MAP1S: variants seen among roughly 807,000 people sequenced by gnomAD.
The protein encoded by MAP1S is microtubule associated protein 1S, also known as microtubule-associated protein 1S.
A neutral mutation model predicts 60.9 loss-of-function variants in MAP1S; 27 were observed. The observed-to-expected ratio is 0.44, with a 90% CI of 0.33 to 0.61. The LOEUF (loss-of-function observed/expected upper bound fraction) is 0.61, where lower values mean the gene tolerates loss of function less well. Ranked by LOEUF, MAP1S falls within the 20% of genes least tolerant of loss-of-function variation. The pLI is 0.03. For missense variants in MAP1S, 1,608 were observed against 1,486.6 expected (o/e 1.08, Z -1.34); for synonymous variants, 826 against 694.2 (o/e 1.19, Z -2.98).
rs149540737 is a variant in MAP1S at position 17,731,275 on chromosome 19, G to C, written c.2789-1918G>C. On this transcript the variant is annotated intron_variant, in intron 5 of 6. Transcript: ENST00000324096. The stretch of plus-strand genomic sequence containing the variant: ...TCCATTTCACATTTAGGTCCATTTG[G>C]AGGTAATTTTTGTATGTGGTGAAAA... Among the ~76,000 whole-genome samples, 385 of 152,254 alleles carry C rather than the reference G, an allele frequency of 2.5e-3. 3 individuals carry two copies. The highest frequency in any genetic ancestry group is 9.0e-3 in the African/African-American group (374 of 41,536).
In MAP1S at chr19:17,724,204, A is replaced by T. The variant is rs1351239561; in HGVS notation, c.299A>T (p.Asp100Val). Residue 100 changes from aspartate to valine, a missense_variant, in exon 3 of 7, where the codon GAT becomes GTT. Physicochemically the swap from Asp to Val is radical, Grantham distance 152. Transcript: ENST00000324096. ...AACCCATCAGACAAGTCCCTGTATG[A>T]TGAGGTAGGGAATGGCTGACGTCCT... is the stretch of plus-strand genomic sequence containing the variant. ...LLNPSDKSLYDELRNLLLDPA... is the reference protein window; with the variant it reads ...LLNPSDKSLYVELRNLLLDPA... The T allele has an allele frequency of 6.2e-7, 1 of 1,613,530 alleles. No individual in the cohort carries two copies. The highest frequency in any genetic ancestry group is 1.3e-5 in the African/African-American group (1 of 74,898).
intron 5 of MAP1S, among the ~76,000 whole-genome samples, chr19:17,731,980 C>T (rs1249852666): frequency 6.6e-6 from 1 of 152,214 alleles, no homozygotes; most frequent in African/African-American, 2.4e-5. Context: ...TGATTTTTTA[C>T]ATTATTGTTC....
Position 17,727,165 on chromosome 19 carries a change from C to G in MAP1S, c.1781C>G (p.Pro594Arg), listed in dbSNP as rs199499048. The G allele has an allele frequency of 1.2e-4, 188 of 1,587,336 alleles. No individual in the cohort carries two copies. Among genetic ancestry groups the G allele is most frequent in the Admixed American group, 4.3e-4 (25 of 57,824 alleles). ...CTCCGATGTGGAGAAGCCAGCCCCC[C>G]CAGTGCAGCCTGCGGCTCTCCGGCC... is the stretch of plus-strand genomic sequence containing the variant. ...PSLRCGEASP[P>R]SAACGSPASQ... The change falls in exon 5 of 7, where the codon CCC becomes CGC. Residue 594 changes from proline to arginine, a missense_variant. Pro to Arg is a moderately radical substitution (Grantham distance 103). Around this residue, in one of 4 missense-constraint regions of MAP1S, gnomAD observed 1,167 missense variants for 961.4 expected, o/e 1.21. Transcript: ENST00000324096. This position sits in a 1 kb window ranked among gnomAD's most constrained non-coding sequence, Gnocchi z 4.1.
Position 17,720,934 on chromosome 19 carries a change from A to G in MAP1S, c.119-2A>G. 1 of 1,612,634 alleles carries G rather than the reference A, an allele frequency of 6.2e-7. No individual in the cohort carries two copies. The highest frequency in any genetic ancestry group is 8.5e-7 in the Non-Finnish European group (1 of 1,178,734). On this transcript the variant is annotated splice_acceptor_variant, in intron 1 of 6. Coordinates refer to ENST00000324096, the MANE Select transcript of MAP1S (RefSeq NM_018174.6). LOFTEE classifies it high-confidence loss of function. ...CCCGCCTTGATCCCTCCTTCCCACC[A>G]GGCATCCGGTCTTGGGATGTCGATC...
intron 5 of MAP1S, among the ~76,000 whole-genome samples, chr19:17,728,375 C>G (rs2080463532): frequency 6.6e-6 from 1 of 152,100 alleles, no homozygotes; most frequent in East Asian, 1.9e-4. Context: ...TCAGCCTCTC[C>G]AGTAGCTGGG....
rs1299580529 is a variant in MAP1S at position 17,727,066 on chromosome 19, A to C, written c.1682A>C (p.Lys561Thr). 6.2e-7 allele frequency: 1 copy of C among 1,606,382 alleles called. No individual in the cohort carries two copies. The highest frequency in any genetic ancestry group is 1.7e-5 in the Admixed American group (1 of 59,504). Residue 561 changes from lysine (K) to threonine (T), a missense_variant, in exon 5 of 7, where the codon AAG becomes ACG. By Grantham distance (78) the Lys-to-Thr change is moderately conservative (BLOSUM62 -1). Coordinates refer to ENST00000324096, the MANE Select transcript of MAP1S (RefSeq NM_018174.6). The surrounding 1 kb of genome is among the most constrained non-coding windows in gnomAD (Gnocchi z 4.1). ...LKKTNAQAAP[K>T]PRKAPSTSHS... ...AAGACGAATGCCCAGGCGGCACCCA[A>C]GCCCCGCAAAGCGCCCAGCACGTCC...
chr19:17,730,127 A>C (rs1028253295), intron 5 of MAP1S, among the ~76,000 whole-genome samples: 1 of 152,136 alleles, frequency 6.6e-6, no homozygotes, highest in Non-Finnish European at 1.5e-5. Context: ...ATTTTGGATG[A>C]ACCGCCAGAC....
At chr19:17,730,901 T>C (rs1424691695) in intron 5 of MAP1S, among the ~76,000 whole-genome samples, 1 of 151,048 alleles carries the variant, frequency 6.6e-6, no homozygotes, top group Admixed American at 6.6e-5. Flanking sequence ...TTTTCTTTTT[T>C]TTTTTTTTCA....
Position 17,728,542 on chromosome 19 carries a change from C to G in MAP1S, c.2788+370C>G, listed in dbSNP as rs539488227. Among the ~76,000 whole-genome samples the G allele has an allele frequency of 1.4e-3, 219 of 152,094 alleles. 4 individuals are homozygous for G. Among genetic ancestry groups the G allele is most frequent in the East Asian group, 9.3e-3 (48 of 5,168 alleles). ...GGGATGACTGGCGTGAGCCACGGTG[C>G]CCTGCCAGTTCTGTTCTTTTTTTTT... On this transcript the variant is annotated intron_variant, in intron 5 of 6. Coordinates refer to ENST00000324096, the MANE Select transcript of MAP1S (RefSeq NM_018174.6).
chr19:17,722,135 G>A (rs2080375837), intron 2 of MAP1S, among the ~76,000 whole-genome samples: 1 of 152,184 alleles, frequency 6.6e-6, no homozygotes, highest in African/African-American at 2.4e-5. Flanking sequence ...CCACCTGAAT[G>A]GGGCAATATC....
chr19:17,723,704 G>C (rs2080391409), intron 2 of MAP1S, among the ~76,000 whole-genome samples: 1 of 151,486 alleles, frequency 6.6e-6, no homozygotes. Context: ...CAAAAACTTA[G>C]CCGGGTGTGG....
At position 17,732,955 on chromosome 19, in the gene MAP1S, G is replaced by C. The variant is rs2145981989; in HGVS notation, c.2789-238G>C. ...TAGTCCCATCTACTTGGAAGGCTGA[G>C]GCAGGAGGATCACTTGAGCCCAGGA... On this transcript the variant is annotated intron_variant, in intron 5 of 6. Transcript: ENST00000324096. 3 of 523,810 alleles carry C rather than the reference G, an allele frequency of 5.7e-6. No individual in the cohort carries two copies. The East Asian group carries it at 9.6e-5, about 17-fold the overall frequency. The allele number at this position is 523,810 out of a possible 1,614,324, so 32.4% of individuals were successfully genotyped here. A position where few individuals can be genotyped will look rare whatever the true frequency, so the allele number is the denominator to read the frequency against.
At chr19:17,732,067 C>T (rs1035082874) in intron 5 of MAP1S, among the ~76,000 whole-genome samples, 3 of 152,338 alleles carry the variant, frequency 2.0e-5, no homozygotes, top group Admixed American at 6.5e-5. Context: ...CAATTCTGGT[C>T]TTATAAAATG....
Position 17,726,654 on chromosome 19 carries a change from G to T in MAP1S, c.1270G>T (p.Gly424Cys), listed in dbSNP as rs1377243390. The T allele has an allele frequency of 1.3e-6, 2 of 1,579,486 alleles. No homozygotes were observed. The highest frequency in any genetic ancestry group is 1.3e-5 in the African/African-American group (1 of 74,424). Residue 424 changes from glycine (G) to cysteine (C), a missense_variant, in exon 5 of 7, where the codon GGC (glycine) becomes TGC (cysteine). This residue lies in a region of MAP1S where 1,167 missense variants were observed against 961.4 expected (regional missense o/e 1.21). Coordinates refer to ENST00000324096, the MANE Select transcript of MAP1S (RefSeq NM_018174.6). ...ALLVWHPAGPGEKVVRVLFPG... is the reference protein window; with the variant it reads ...ALLVWHPAGPCEKVVRVLFPG... ...GCTGGTGTGGCACCCCGCCGGCCCC[G>T]GCGAGAAGGTGGTGCGCGTGCTGTT...
In MAP1S at chr19:17,727,664, C is replaced by A. The variant is rs773494986; in HGVS notation, c.2280C>A (p.Pro760=). The change falls in exon 5 of 7, where the codon CCC becomes CCA. Residue 760 remains proline, a synonymous_variant. Coordinates refer to ENST00000324096, the MANE Select transcript of MAP1S (RefSeq NM_018174.6). The surrounding 1 kb of genome is among the most constrained non-coding windows in gnomAD (Gnocchi z 4.1). ...AVPMAPAPAS[P]GSSNDSSARS... The stretch of plus-strand genomic sequence containing the variant: ...CAATGGCACCGGCACCTGCGTCCCC[C>A]GGCAGCTCGAATGACAGCAGTGCCC... 5 of 1,609,078 alleles carry A rather than the reference C, an allele frequency of 3.1e-6. No homozygotes were observed. The East Asian group carries it at 1.1e-4, about 36-fold the overall frequency.
chr19:17,720,446 G>A lies in MAP1S; in HGVS notation c.119-490G>A, dbSNP rs1365702791. Reference sequence around the variant, plus strand: ...GCCAACACAGGTCTGGTTTGGGGATGGACCCAAAGCGAGTGAGGAGATGGA... The same window carrying A: ...GCCAACACAGGTCTGGTTTGGGGATAGACCCAAAGCGAGTGAGGAGATGGA... On this transcript the variant is annotated intron_variant, in intron 1 of 6. Transcript: ENST00000324096. 3 of 1,534,172 alleles carry A rather than the reference G, an allele frequency of 2.0e-6. No homozygotes were observed. In the Admixed American group the frequency reaches 5.9e-5, roughly 30 times the overall value.
chr19:17,726,009 G>T lies in MAP1S; in HGVS notation c.625G>T (p.Glu209Ter). The change falls in exon 5 of 7, where the codon GAA becomes TAA. Residue 209 changes from glutamate to a stop codon, truncating the protein, a stop_gained. Coordinates refer to ENST00000324096, the MANE Select transcript of MAP1S (RefSeq NM_018174.6). LOFTEE classifies it high-confidence loss of function. ...AQLPNSEGLC[E>*]FLEYVAESLE... is the part of the protein sequence containing the mutation. ...GCTGCCCAACTCTGAGGGCCTGTGC[G>T]AATTCCTGGAGTACGTGGCTGAGTC... The T allele has an allele frequency of 6.2e-7, 1 of 1,612,468 alleles. No individual in the cohort carries two copies. The highest frequency in any genetic ancestry group is 8.5e-7 in the Non-Finnish European group (1 of 1,179,392).
intron 5 of MAP1S, among the ~76,000 whole-genome samples, chr19:17,732,037 G>T (rs545229685): frequency 6.6e-5 from 10 of 152,356 alleles, no homozygotes; most frequent in Admixed American, 2.0e-4. Context: ...AAATATCTGT[G>T]CCTGGCTTTG....
At chr19:17,734,165 G>A in intron 6 of MAP1S, 108 bp from the exon 7 acceptor site, 4 of 879,986 alleles carry the variant, frequency 4.5e-6, no homozygotes, top group East Asian at 2.7e-5. Flanking sequence ...GCCAGGAGGG[G>A]TCTCAAATGC....
Sources: allele counts gnomAD v4.1 joint callset (sites outside exome capture counted in the v4.1 genomes callset), GRCh38; gene constraint gnomAD v4.1.1; regional missense constraint gnomAD v4.1.1; non-coding constraint Gnocchi (gnomAD v3.1); transcripts MANE v1.5; gene names NCBI Gene and HGNC (gene_info 2026-07-23, HGNC 2026-07-21).